The following TTC28 variants were observed in gnomAD, a reference collection of about 807,000 sequenced individuals.
The protein encoded by TTC28 is tetratricopeptide repeat protein 28.
A neutral mutation model predicts 198.0 loss-of-function variants in TTC28; 61 were observed. That is an observed-to-expected ratio of 0.31 (90% CI 0.25 to 0.38). The LOEUF is 0.38. Among genes scored for constraint, TTC28 ranks in the 10% least tolerant of loss-of-function variants. TTC28 has a pLI of 1.00. For missense variants in TTC28, 2,678 were observed against 3,164.0 expected (o/e 0.85, Z 3.69); for synonymous variants, 1,171 against 1,297.8 (o/e 0.90, Z 2.10).
At chr22:28,102,805 A>T (rs1276512891) in intron 8 of TTC28, among the ~76,000 whole-genome samples, 1 of 152,244 alleles carries the variant, frequency 6.6e-6, no homozygotes, top group Non-Finnish European at 1.5e-5. Context: ...ACTTAGAAAC[A>T]TTTTAAGTCA....
chr22:28,610,942 C>T (rs2050808258), intron 2 of TTC28, among the ~76,000 whole-genome samples: 1 of 151,878 alleles, frequency 6.6e-6, no homozygotes, highest in Non-Finnish European at 1.5e-5. Context: ...GTATCAATAG[C>T]TGAATCGATC....
intron 11 of TTC28, among the ~76,000 whole-genome samples, chr22:28,095,425 T>C (rs552304318): frequency 1.3e-5 from 2 of 152,202 alleles, no homozygotes; most frequent in South Asian, 2.1e-4. Context: ...ATCTTGTCAA[T>C]TCTCGCTGGC....
intron 5 of TTC28, among the ~76,000 whole-genome samples, chr22:28,170,386 G>A (rs1922542794): frequency 6.6e-6 from 1 of 151,780 alleles, no homozygotes; most frequent in South Asian, 2.1e-4. Flanking sequence ...CTACTCGGGA[G>A]GCTGAGGCAG....
intron 2 of TTC28, among the ~76,000 whole-genome samples, chr22:28,516,436 A>G (rs2048788089): frequency 6.6e-6 from 1 of 152,156 alleles, no homozygotes; most frequent in African/African-American, 2.4e-5. Context: ...AAGAATACTC[A>G]TCATTGAGTT....
intron 2 of TTC28, among the ~76,000 whole-genome samples, chr22:28,602,850 C>G (rs2146124063): frequency 6.6e-6 from 1 of 152,216 alleles, no homozygotes; most frequent in South Asian, 2.1e-4. Flanking sequence ...ATTAACTAAA[C>G]TAATAAATAC....
At chr22:28,463,982 G>C (rs1045267280) in intron 2 of TTC28, among the ~76,000 whole-genome samples, 2 of 151,296 alleles carry the variant, frequency 1.3e-5, no homozygotes, top group Non-Finnish European at 3.0e-5. Context: ...CACCTTAAAG[G>C]GTCCTCCAAA....
In TTC28 at chr22:27,982,172, C is replaced by G. The variant is rs544902196; in HGVS notation, c.*49G>C. ...CTCAGGGAAGGGCTGAAGCAAACGC[C>G]AGGCCCCCATCTGCAGGCTGCTCAG... On this transcript the variant is annotated 3_prime_UTR_variant, in exon 23 of 23. Coordinates refer to ENST00000397906, the MANE Select transcript of TTC28 (RefSeq NM_001145418.2). The surrounding 1 kb of genome is among the most constrained non-coding windows in gnomAD (Gnocchi z 5.2). 2.1e-6 allele frequency: 3 copies of G among 1,450,620 alleles called. No individual in the cohort carries two copies. The highest frequency in any genetic ancestry group is 2.7e-6 in the Non-Finnish European group (3 of 1,099,552). The allele number at this position is 1,450,620 out of a possible 1,614,324, so 89.9% of individuals were successfully genotyped here. A position where few individuals can be genotyped will look rare whatever the true frequency, so the allele number is the denominator to read the frequency against.
At chr22:28,513,345 C>A (rs1398660640) in intron 2 of TTC28, among the ~76,000 whole-genome samples, 1 of 152,280 alleles carries the variant, frequency 6.6e-6, no homozygotes, top group South Asian at 2.1e-4. Flanking sequence ...TTTACTTCTA[C>A]CCACTGCATC....
intron 3 of TTC28, among the ~76,000 whole-genome samples, chr22:28,300,711 A>G (rs561893506): frequency 6.6e-6 from 1 of 152,334 alleles, no homozygotes; most frequent in Admixed American, 6.5e-5. Context: ...TAGGGCTTAG[A>G]CAAGTCTTTG....
intron 5 of TTC28, among the ~76,000 whole-genome samples, chr22:28,189,172 A>G: frequency 6.6e-6 from 1 of 152,012 alleles, no homozygotes; most frequent in Non-Finnish European, 1.5e-5. Context: ...ACATAGCAAG[A>G]CCTCATCTCA....
At chr22:28,452,503 G>A (rs1347641646) in intron 2 of TTC28, among the ~76,000 whole-genome samples, 1 of 151,052 alleles carries the variant, frequency 6.6e-6, no homozygotes, top group Non-Finnish European at 1.5e-5. Flanking sequence ...CAGATCATAG[G>A]AAAAGAAAGT....
At chr22:28,146,185 C>T (rs1199457370) in intron 6 of TTC28, among the ~76,000 whole-genome samples, 1 of 152,176 alleles carries the variant, frequency 6.6e-6, no homozygotes, top group African/African-American at 2.4e-5. Flanking sequence ...TGTATACAGG[C>T]TTCTTGGTAA....
intron 6 of TTC28, among the ~76,000 whole-genome samples, chr22:28,145,854 G>T (rs1943456801): frequency 6.6e-6 from 1 of 152,136 alleles, no homozygotes; most frequent in Non-Finnish European, 1.5e-5. Flanking sequence ...TGTTCTAAGG[G>T]CTTTATACAT....
At chr22:28,077,899 T>C (rs1334936131) in intron 12 of TTC28, among the ~76,000 whole-genome samples, 1 of 152,180 alleles carries the variant, frequency 6.6e-6, no homozygotes, top group African/African-American at 2.4e-5. Context: ...AACAAAGCCC[T>C]ACCCAGTCTT....
At chr22:28,136,516 C>G (rs1200467871) in intron 6 of TTC28, among the ~76,000 whole-genome samples, 1 of 152,208 alleles carries the variant, frequency 6.6e-6, no homozygotes, top group Non-Finnish European at 1.5e-5. Flanking sequence ...TGAATTGGCA[C>G]TGGCCTACAC....
chr22:28,020,784 C>G (rs1416877720), intron 13 of TTC28, among the ~76,000 whole-genome samples: 2 of 151,624 alleles, frequency 1.3e-5, no homozygotes, highest in African/African-American at 2.4e-5. Context: ...CCCCAACACA[C>G]ACACACACAC....
chr22:28,387,357 C>T (rs1305117272), intron 2 of TTC28, among the ~76,000 whole-genome samples: 2 of 152,052 alleles, frequency 1.3e-5, no homozygotes, highest in Non-Finnish European at 2.9e-5. Flanking sequence ...GGGTATATAC[C>T]CAGTAATGGG....
At chr22:28,609,746 T>A (rs2050788830) in intron 2 of TTC28, among the ~76,000 whole-genome samples, 2 of 151,508 alleles carry the variant, frequency 1.3e-5, no homozygotes, top group Non-Finnish European at 2.9e-5. Flanking sequence ...AACCATTCAC[T>A]CCCCCTGGAA....
intron 2 of TTC28, among the ~76,000 whole-genome samples, chr22:28,436,179 G>A (rs2047517593): frequency 6.6e-6 from 1 of 152,144 alleles, no homozygotes; most frequent in South Asian, 2.1e-4. Flanking sequence ...TTTCTGAGAG[G>A]TTGATAAATG....
Sources: gnomAD v4.1 joint callset for allele counts (sites outside exome capture counted in the v4.1 genomes callset) on GRCh38, gnomAD v4.1.1 for gene constraint, Gnocchi (gnomAD v3.1) non-coding constraint, MANE v1.5 for transcripts, NCBI Gene and HGNC (gene_info 2026-07-23, HGNC 2026-07-21) for gene names.